The following SOX6 variants were observed in gnomAD, a reference collection of about 807,000 sequenced individuals.
SOX6 encodes transcription factor SOX-6.
SOX6 carries 11 observed loss-of-function variants against 97.8 expected under a neutral mutation model. That is an observed-to-expected ratio of 0.11 (90% CI 0.07 to 0.19). The LOEUF (loss-of-function observed/expected upper bound fraction) is 0.19, where lower values mean the gene tolerates loss of function less well. Ranked by LOEUF, SOX6 falls within the 10% of genes least tolerant of loss-of-function variation. SOX6 has a pLI of 1.00. For synonymous variants in SOX6, 360 were observed against 371.4 expected (o/e 0.97, Z 0.35); for missense variants, 810 against 1,039.5 (o/e 0.78, Z 3.04).
intron 3 of SOX6, among the ~76,000 whole-genome samples, chr11:16,261,948 T>C (rs1021117714): frequency 3.9e-5 from 6 of 151,926 alleles, no homozygotes; most frequent in African/African-American, 1.4e-4. Context: ...GAGGGGGGAA[T>C]AGAAAAAATG....
chr11:15,977,355 TA>T (rs1165652622), intron 15 of SOX6, among the ~76,000 whole-genome samples: 3 of 152,052 alleles, frequency 2.0e-5, no homozygotes, highest in African/African-American at 7.2e-5. Flanking sequence ...CACTCCTCCC[TA>T]ATCTCAGTTT....
chr11:16,635,577 G>A (rs1565199742), intron 3 of SOX6, among the ~76,000 whole-genome samples: 1 of 152,306 alleles, frequency 6.6e-6, no homozygotes, highest in South Asian at 2.1e-4. Context: ...CTGTTTTCTG[G>A]GGGAGAAATT....
chr11:16,448,821 C>T (rs10766325), intron 1 of SOX6, among the ~76,000 whole-genome samples: 30,862 of 152,000 alleles, frequency 0.2, 3,373 homozygotes, highest in Admixed American at 0.32. Context: ...CCCTTGAACC[C>T]AGGGGTTCAA....
intron 3 of SOX6, among the ~76,000 whole-genome samples, chr11:16,678,108 A>T (rs1232607310): frequency 6.6e-6 from 1 of 152,050 alleles, no homozygotes; most frequent in Non-Finnish European, 1.5e-5. Flanking sequence ...TTTTGATTTC[A>T]CTGATTTTTT....
chr11:16,642,012 T>C (rs1388802737), intron 3 of SOX6, among the ~76,000 whole-genome samples: 2 of 152,236 alleles, frequency 1.3e-5, no homozygotes, highest in African/African-American at 4.8e-5. Context: ...CGATGGTCTT[T>C]ACAATTTAGC....
intron 13 of SOX6, among the ~76,000 whole-genome samples, chr11:15,999,726 T>C (rs971713826): frequency 2.0e-5 from 3 of 152,142 alleles, no homozygotes; most frequent in Non-Finnish European, 2.9e-5. Flanking sequence ...TATAATTGAT[T>C]GCTTATGAAG....
At chr11:16,112,785 T>C (rs1026524971) in intron 6 of SOX6, among the ~76,000 whole-genome samples, 1 of 152,188 alleles carries the variant, frequency 6.6e-6, no homozygotes, top group Admixed American at 6.5e-5. Flanking sequence ...CTTCCTTCTT[T>C]ACTCTATGCA....
chr11:16,339,702 C>T (rs1390274818), intron 2 of SOX6, among the ~76,000 whole-genome samples: 1 of 152,026 alleles, frequency 6.6e-6, no homozygotes, highest in Non-Finnish European at 1.5e-5. Flanking sequence ...TTGTTCACCA[C>T]TATATAGTCA....
At chr11:16,366,923 T>C (rs565181633) in intron 1 of SOX6, among the ~76,000 whole-genome samples, 57 of 152,218 alleles carry the variant, frequency 3.7e-4, no homozygotes, top group African/African-American at 1.3e-3. Flanking sequence ...TCAGCAGAAA[T>C]TAAATAATCA....
At chr11:16,094,485 CAGGAG>C (rs1848753643) in intron 9 of SOX6, among the ~76,000 whole-genome samples, 1 of 151,816 alleles carries the variant, frequency 6.6e-6, no homozygotes, top group Non-Finnish European at 1.5e-5. Flanking sequence ...AAAGTCCCAC[CAGGAG>C]AGGAAACAGA....
chr11:16,619,845 CATTT>C (rs1267376616), intron 3 of SOX6, among the ~76,000 whole-genome samples: 4 of 152,006 alleles, frequency 2.6e-5, no homozygotes, highest in Admixed American at 1.3e-4. Flanking sequence ...CACCCATGGG[CATTT>C]ATTTATGTGG....
chr11:16,270,646 C>CACAA (rs1565060745), intron 3 of SOX6, among the ~76,000 whole-genome samples: 12 of 55,142 alleles, frequency 2.2e-4, no homozygotes, highest in Non-Finnish European at 4.2e-4. Context: ...ATAACACACA[C>CACAA]ACACACAAAC....
intron 3 of SOX6, among the ~76,000 whole-genome samples, chr11:16,612,442 G>C (rs1226242434): frequency 1.3e-5 from 2 of 152,048 alleles, no homozygotes; most frequent in Non-Finnish European, 2.9e-5. Flanking sequence ...CAGAGAAGTC[G>C]CTGAGTCTGT....
chr11:16,023,978 T>C (rs1269617565), intron 12 of SOX6, among the ~76,000 whole-genome samples: 1 of 152,286 alleles, frequency 6.6e-6, no homozygotes, highest in South Asian at 2.1e-4. Flanking sequence ...CCATAATTCA[T>C]AGGTACCCCT....
chr11:16,536,462 G>T (rs184932031), intron 4 of SOX6, among the ~76,000 whole-genome samples: 27 of 152,304 alleles, frequency 1.8e-4, no homozygotes, highest in African/African-American at 6.3e-4. Context: ...TGGACAGTGG[G>T]TGCAGCCCAT....
Position 15,972,744 on chromosome 11 carries a change from AAT to A in SOX6, c.*63_*64del. On this transcript the variant is annotated 3_prime_UTR_variant, in exon 16 of 16. Transcript: ENST00000683767. The stretch of plus-strand genomic sequence containing the variant: ...AGCCACAAATGCATGCGGGCTCTTT[AAT>A]AACTCTTTGTTGGGGAGGGGGGTGA... 1 of 1,567,530 alleles carries A rather than the reference AAT, an allele frequency of 6.4e-7. No homozygotes were observed. Among genetic ancestry groups the A allele is most frequent in the Non-Finnish European group, 8.8e-7 (1 of 1,138,764 alleles).
intron 3 of SOX6, among the ~76,000 whole-genome samples, chr11:16,700,660 G>C (rs1179053792): frequency 6.6e-6 from 1 of 152,152 alleles, no homozygotes; most frequent in Non-Finnish European, 1.5e-5. Context: ...CTCTACTTTA[G>C]GGTCTCAGTT....
intron 2 of SOX6, among the ~76,000 whole-genome samples, chr11:16,340,565 C>A (rs983982422): frequency 2.6e-5 from 4 of 151,932 alleles, no homozygotes; most frequent in African/African-American, 9.7e-5. Flanking sequence ...CAAGAATGAC[C>A]ATTAAAAGTG....
rs1848136675 is a variant in SOX6 at position 16,706,474 on chromosome 11, ATATATATATAT to A, written n.429+8345_429+8355del. ...CAAAAAAAAAAAAAAAAAAAAAAAT[ATATATATATAT>A]ATATATATATATATATATATATATA... On this transcript the variant is annotated intron_variant and non_coding_transcript_variant, in intron 3 of 5. Coordinates refer to the SOX6 transcript ENST00000524520. Among the ~76,000 whole-genome samples, 27 of 13,776 alleles carry A rather than the reference ATATATATATAT, an allele frequency of 2.0e-3. 1 individual carries two copies. The highest frequency in any genetic ancestry group is 5.6e-3 in the African/African-American group (12 of 2,152). The allele number at this position is 13,776 out of a possible 152,430, so 9.0% of individuals were successfully genotyped here. A position where few individuals can be genotyped will look rare whatever the true frequency, so the allele number is the denominator to read the frequency against.
Sources: allele counts gnomAD v4.1 joint callset (sites outside exome capture counted in the v4.1 genomes callset), GRCh38; gene constraint gnomAD v4.1.1; transcripts MANE v1.5; gene names NCBI Gene and HGNC (gene_info 2026-07-23, HGNC 2026-07-21).